The following RUFY3 variants were observed in gnomAD, a reference collection of about 807,000 sequenced individuals.
The protein encoded by RUFY3 is protein RUFY3.
In RUFY3, 34 loss-of-function variants were observed where a neutral mutation model predicts 84.0. The observed-to-expected ratio is 0.40, with a 90% CI of 0.31 to 0.54. The LOEUF is 0.54. Ranked by LOEUF, RUFY3 falls within the 20% of genes least tolerant of loss-of-function variation. The pLI is 0.39. For synonymous variants in RUFY3, 242 were observed against 252.9 expected, an observed-to-expected ratio of 0.96 and a Z score of 0.41; for missense variants, 507 against 736.8, an observed-to-expected ratio of 0.69 and a Z score of 3.61.
At chr4:70,711,090 A>AT (rs1487098373) in intron 1 of RUFY3, among the ~76,000 whole-genome samples, 143 of 150,032 alleles carry the variant, frequency 9.5e-4, no homozygotes, top group African/African-American at 3.4e-3. Context: ...AAAAAAAAAA[A>AT]AGAAGTATGT....
chr4:70,799,160 AAG>A (rs1260918413), intron 14 of RUFY3, among the ~76,000 whole-genome samples: 1 of 151,592 alleles, frequency 6.6e-6, no homozygotes, highest in Non-Finnish European at 1.5e-5. Context: ...AAAAAAAAAA[AAG>A]AGAAAAGAAA....
intron 12 of RUFY3, among the ~76,000 whole-genome samples, chr4:70,790,678 T>C (rs1207394550): frequency 1.3e-5 from 2 of 152,360 alleles, no homozygotes; most frequent in East Asian, 3.9e-4. Flanking sequence ...TCTTTATATA[T>C]GTCTCCTCCG....
At chr4:70,704,811 A>C in exon 1 of RUFY3, 4 of 580,614 alleles carry the variant, frequency 6.9e-6, no homozygotes, top group African/African-American at 2.0e-5. Flanking sequence ...GTGGCCGAGA[A>C]GAAAGGTGGC....
At chr4:70,705,712 C>A (rs1232531371) in intron 1 of RUFY3, among the ~76,000 whole-genome samples, 1 of 152,192 alleles carries the variant, frequency 6.6e-6, no homozygotes, top group Non-Finnish European at 1.5e-5. Flanking sequence ...GGGGGCGGCG[C>A]CCGGAGACCC....
At chr4:70,757,643 T>A (rs965660022) in intron 1 of RUFY3, among the ~76,000 whole-genome samples, 3 of 152,178 alleles carry the variant, frequency 2.0e-5, no homozygotes, top group Non-Finnish European at 2.9e-5. Flanking sequence ...ATATTTGTCC[T>A]GGAATAAAAT....
intron 1 of RUFY3, among the ~76,000 whole-genome samples, chr4:70,708,922 G>T (rs568257231): frequency 9.9e-5 from 15 of 152,276 alleles, no homozygotes; most frequent in African/African-American, 3.6e-4. Flanking sequence ...GCTGGGTATG[G>T]TGGCACATGC....
chr4:70,742,821 T>G (rs931724813), intron 1 of RUFY3, among the ~76,000 whole-genome samples: 1 of 152,196 alleles, frequency 6.6e-6, no homozygotes, highest in African/African-American at 2.4e-5. Context: ...TATCTTCTGT[T>G]TCAGCCCTTG....
chr4:70,778,285 G>A (rs929870822), intron 7 of RUFY3, 84 bp from the exon 8 acceptor site: 1 of 578,698 alleles, frequency 1.7e-6, no homozygotes. Context: ...GACAATGAAG[G>A]ATAAGTGTGA....
chr4:70,768,802 T>TA (rs1314963899), intron 5 of RUFY3, 141 bp downstream of exon 5: 21 of 812,180 alleles, frequency 2.6e-5, no homozygotes, highest in South Asian at 6.1e-5. Context: ...GATGGGAATA[T>TA]AAAAAAAAGA....
At chr4:70,724,290 A>G (rs1717865514) in intron 1 of RUFY3, among the ~76,000 whole-genome samples, 1 of 152,228 alleles carries the variant, frequency 6.6e-6, no homozygotes, top group Admixed American at 6.5e-5. Context: ...CTCAGTTTAC[A>G]TATTTTGTTT....
chr4:70,736,859 A>C (rs1299324341), intron 1 of RUFY3, among the ~76,000 whole-genome samples: 1 of 152,210 alleles, frequency 6.6e-6, no homozygotes, highest in Non-Finnish European at 1.5e-5. Flanking sequence ...GGCGTGAGCC[A>C]CTGCGCCTGG....
At chr4:70,787,182 AAAAAAAT>A (rs1289712020) in intron 10 of RUFY3, among the ~76,000 whole-genome samples, 2 of 127,398 alleles carry the variant, frequency 1.6e-5, no homozygotes, top group Non-Finnish European at 3.2e-5. Flanking sequence ...AAAAAAAAAA[AAAAAAAT>A]ATATATATAT....
In RUFY3 at chr4:70,722,190, G is replaced by A; in HGVS notation, c.-384G>A. On this transcript the variant is annotated 5_prime_UTR_variant, in exon 1 of 18. Coordinates refer to ENST00000381006, the MANE Select transcript of RUFY3 (RefSeq NM_001037442.4). The stretch of plus-strand genomic sequence containing the variant: ...AGGATTTTTCACTTACTCATATCGA[G>A]GCCAGATTTTTAAAGCCAGCTAAGG... 8.1e-7 allele frequency: 1 copy of A among 1,230,126 alleles called. No individual in the cohort carries two copies. Among genetic ancestry groups the A allele is most frequent in the Non-Finnish European group, 1.0e-6 (1 of 987,544 alleles). 76.2% of individuals were successfully genotyped at this position (1,230,126 alleles called of 1,614,324 possible).
At chr4:70,787,183 AAAAAAT>A (rs1428455372) in intron 10 of RUFY3, among the ~76,000 whole-genome samples, 1 of 126,056 alleles carries the variant, frequency 7.9e-6, no homozygotes, top group Non-Finnish European at 1.6e-5. Flanking sequence ...AAAAAAAAAA[AAAAAAT>A]ATATATATAT....
At position 70,774,614 on chromosome 4, in the gene RUFY3, C is replaced by CAA. The variant is rs1172638290; in HGVS notation, c.759-524_759-523dup. On this transcript the variant is annotated intron_variant, in intron 6 of 17. Coordinates refer to ENST00000381006, the MANE Select transcript of RUFY3 (RefSeq NM_001037442.4). Reference sequence around the variant, plus strand: ...TGGGTGACAAAGCAGGACTCTGCCTCAAAAAAAAAAAAAAAAAAAAAAAAA... The same window carrying CAA: ...TGGGTGACAAAGCAGGACTCTGCCTCAAAAAAAAAAAAAAAAAAAAAAAAAAA... Among the ~76,000 whole-genome samples the CAA allele has an allele frequency of 2.4e-3, 52 of 22,094 alleles. 2 individuals carry two copies. The highest frequency in any genetic ancestry group is 6.7e-3 in the East Asian group (3 of 450). The allele number at this position is 22,094 out of a possible 152,430, so 14.5% of individuals were successfully genotyped here. A position where few individuals can be genotyped will look rare whatever the true frequency, so the allele number is the denominator to read the frequency against.
Position 70,774,670 on chromosome 4 carries a change from T to TATATATATATAA in RUFY3, c.759-497_759-496insTATATATATAAA, listed in dbSNP as rs766227141. Among the ~76,000 whole-genome samples, 232 of 80,996 alleles carry TATATATATATAA rather than the reference T, an allele frequency of 2.9e-3. 4 individuals are homozygous for TATATATATATAA. In the East Asian group the frequency reaches 0.031, roughly 11 times the overall value. The allele number at this position is 80,996 out of a possible 152,430, so 53.1% of individuals were successfully genotyped here. On this transcript the variant is annotated intron_variant, in intron 6 of 17. Transcript: ENST00000381006. ...ATATATATATATATATATATATATATAAAATAAACATTCAATCTTCGTGAA... is the reference window on the plus strand; with the variant it reads ...ATATATATATATATATATATATATATATATATATATAAAAAATAAACATTCAATCTTCGTGAA...
intron 1 of RUFY3, among the ~76,000 whole-genome samples, chr4:70,738,869 C>T (rs1173614661): frequency 2.0e-5 from 3 of 151,882 alleles, no homozygotes; most frequent in Non-Finnish European, 4.4e-5. Flanking sequence ...AACTCCTGGC[C>T]TCAAGAGATC....
At chr4:70,769,807 T>C (rs1726654308) in intron 5 of RUFY3, among the ~76,000 whole-genome samples, 1 of 151,904 alleles carries the variant, frequency 6.6e-6, no homozygotes, top group East Asian at 1.9e-4. Context: ...CCCTTTATTT[T>C]TGTTTTGTTT....
In RUFY3 at chr4:70,804,802, G is replaced by A. The variant is rs373127832; in HGVS notation, c.1719+386G>A. 1.0e-3 allele frequency among the ~76,000 whole-genome samples: 151 copies of A among 150,930 alleles called. 1 individual carries two copies. Among genetic ancestry groups the A allele is most frequent in the African/African-American group, 3.5e-3 (142 of 41,048 alleles). On this transcript the variant is annotated intron_variant, in intron 17 of 17. Coordinates refer to ENST00000381006, the MANE Select transcript of RUFY3 (RefSeq NM_001037442.4). The stretch of plus-strand genomic sequence containing the variant: ...AAAAAATAGCCGGGCGTGGTGGCCT[G>A]TAATCCCAGCTACTCAGGTTGCTGA...
Sources: allele counts gnomAD v4.1 joint callset (sites outside exome capture counted in the v4.1 genomes callset), GRCh38; gene constraint gnomAD v4.1.1; transcripts MANE v1.5; gene names NCBI Gene and HGNC (gene_info 2026-07-23, HGNC 2026-07-21).